Variants in SND1 observed in about 807,000 individuals in gnomAD.
SND1 encodes the protein staphylococcal nuclease domain-containing protein 1.
Under a neutral mutation model 121.7 loss-of-function variants are expected in SND1, and 38 were observed. That is an observed-to-expected ratio of 0.31 (90% CI 0.24 to 0.41). The LOEUF is 0.41. Among genes scored for constraint, SND1 ranks in the 10% least tolerant of loss-of-function variants. The pLI is 1.00. For missense variants in SND1, 868 were observed against 1,184.6 expected (o/e 0.73, Z 3.92); for synonymous variants, 401 against 447.4 (o/e 0.90, Z 1.31).
rs564610421 is a variant in SND1 at position 127,880,713 on chromosome 7, A to AGG, written c.1344-7186_1344-7185dup. Among the ~76,000 whole-genome samples the AGG allele has an allele frequency of 9.3e-3, 1,276 of 136,750 alleles. 13 individuals carry two copies. The highest frequency in any genetic ancestry group is 0.011 in the Non-Finnish European group (669 of 62,070). The allele number at this position is 136,750 out of a possible 152,430, so 89.7% of individuals were successfully genotyped here. On this transcript the variant is annotated intron_variant, in intron 12 of 23. Coordinates refer to ENST00000354725, the MANE Select transcript of SND1 (RefSeq NM_014390.4). ...TGCATCCTTTTCAGCTGGAGAATGC[A>AGG]GGGGTGTGTGTGTGTGTGTGTGTGT...
In SND1 at chr7:127,691,779, A is replaced by ATTT. The variant is rs75566883; in HGVS notation, c.229-3030_229-3028dup. ...AGGCGTGCGCCAACATGCCTGGCTA[A>ATTT]TTTTTTTTTTTTTTTTTTTTTGTAT... On this transcript the variant is annotated intron_variant, in intron 2 of 23. Coordinates refer to ENST00000354725, the MANE Select transcript of SND1 (RefSeq NM_014390.4). 1.1e-4 allele frequency among the ~76,000 whole-genome samples: 14 copies of ATTT among 127,070 alleles called. 1 individual carries two copies. The highest frequency in any genetic ancestry group is 3.0e-4 in the African/African-American group (10 of 33,762). The allele number at this position is 127,070 out of a possible 152,430, so 83.4% of individuals were successfully genotyped here.
At chr7:127,674,005 T>C (rs575509664) in intron 1 of SND1, among the ~76,000 whole-genome samples, 2 of 151,604 alleles carry the variant, frequency 1.3e-5, no homozygotes, top group African/African-American at 2.4e-5. Flanking sequence ...CCCTTTCCTT[T>C]TCCTTCCTTC....
chr7:127,900,580 G>A (rs143555956), intron 13 of SND1, among the ~76,000 whole-genome samples: 164 of 152,334 alleles, frequency 1.1e-3, no homozygotes, highest in African/African-American at 3.8e-3. Flanking sequence ...TAGAGGAAAA[G>A]CAGCAGCTAA....
At chr7:127,975,323 G>T (rs1349826040) in intron 15 of SND1, among the ~76,000 whole-genome samples, 1 of 152,078 alleles carries the variant, frequency 6.6e-6, no homozygotes, top group African/African-American at 2.4e-5. Flanking sequence ...ACTTGTGTTT[G>T]TATGTGTGGG....
intron 10 of SND1, among the ~76,000 whole-genome samples, chr7:127,775,279 T>C (rs528149798): frequency 6.6e-4 from 101 of 152,298 alleles, no homozygotes; most frequent in African/African-American, 2.4e-3. Flanking sequence ...AAATTCCTAT[T>C]GTTTTAAGCT....
At chr7:127,882,325 G>C (rs1799806601) in intron 12 of SND1, among the ~76,000 whole-genome samples, 4 of 149,830 alleles carry the variant, frequency 2.7e-5, no homozygotes, top group African/African-American at 7.4e-5. Flanking sequence ...GGGGTAGTCT[G>C]GCTTGGGGTG....
At chr7:128,019,462 A>G (rs573503574) in intron 16 of SND1, among the ~76,000 whole-genome samples, 159 of 152,310 alleles carry the variant, frequency 1.0e-3, no homozygotes, top group African/African-American at 3.4e-3. Flanking sequence ...GAGTCAGGCC[A>G]TTATTGGAGG....
chr7:128,049,107 G>A (rs1410756837), intron 16 of SND1, among the ~76,000 whole-genome samples: 1 of 152,122 alleles, frequency 6.6e-6, no homozygotes, highest in Non-Finnish European at 1.5e-5. Context: ...CTTTTGCAGT[G>A]TTCCCTCTAA....
intron 16 of SND1, among the ~76,000 whole-genome samples, chr7:128,001,157 A>G (rs1375756184): frequency 6.6e-6 from 1 of 152,240 alleles, no homozygotes; most frequent in Non-Finnish European, 1.5e-5. Context: ...ATGGTCTGTT[A>G]TGAAATGCTG....
chr7:127,882,028 G>C (rs1799801917), intron 12 of SND1, among the ~76,000 whole-genome samples: 1 of 152,082 alleles, frequency 6.6e-6, no homozygotes, highest in Non-Finnish European at 1.5e-5. Flanking sequence ...CAAGGTGAGA[G>C]GATCACTTGG....
intron 1 of SND1, among the ~76,000 whole-genome samples, chr7:127,652,759 T>C (rs886527151): frequency 5.9e-5 from 9 of 152,202 alleles, no homozygotes; most frequent in African/African-American, 2.2e-4. Context: ...TTCGTTGATA[T>C]CTGTCCTCCC....
intron 16 of SND1, among the ~76,000 whole-genome samples, chr7:127,997,013 A>G (rs1030499518): frequency 8.5e-5 from 13 of 152,170 alleles, no homozygotes; most frequent in African/African-American, 3.1e-4. Flanking sequence ...TCAAACCTTA[A>G]TTTTATATAG....
intron 6 of SND1, 72 bp downstream of exon 6, chr7:127,702,598 G>C: frequency 8.1e-7 from 1 of 1,235,312 alleles, no homozygotes; most frequent in Non-Finnish European, 1.2e-6. Context: ...CTTCTACTTG[G>C]GGACTTCGGA....
intron 10 of SND1, among the ~76,000 whole-genome samples, chr7:127,752,336 GC>G (rs1273537258): frequency 6.6e-6 from 1 of 152,162 alleles, no homozygotes. Context: ...CCGTCGTAAT[GC>G]TTATGTTCAT....
chr7:127,706,537 T>C lies in SND1; in HGVS notation c.948-1020T>C, dbSNP rs188085091. ...CCTCCCAAAGTGCTGGGATTACAGGTGTGAGCCACTGTGCCTGGCCCAGTA... is the reference window on the plus strand; with the variant it reads ...CCTCCCAAAGTGCTGGGATTACAGGCGTGAGCCACTGTGCCTGGCCCAGTA... On this transcript the variant is annotated intron_variant, in intron 8 of 23. Coordinates refer to ENST00000354725, the MANE Select transcript of SND1 (RefSeq NM_014390.4). Among the ~76,000 whole-genome samples, 248 of 152,160 alleles carry C rather than the reference T, an allele frequency of 1.6e-3. 1 individual carries two copies. The highest frequency in any genetic ancestry group is 3.4e-3 in the Middle Eastern group (1 of 294).
intron 10 of SND1, among the ~76,000 whole-genome samples, chr7:127,801,027 T>C (rs892529698): frequency 2.0e-5 from 3 of 152,226 alleles, no homozygotes; most frequent in Admixed American, 6.5e-5. Flanking sequence ...GTGTATTCCA[T>C]TGGGTGACTA....
intron 14 of SND1, among the ~76,000 whole-genome samples, chr7:127,922,747 A>G (rs1266384554): frequency 6.6e-6 from 1 of 152,120 alleles, no homozygotes; most frequent in Non-Finnish European, 1.5e-5. Context: ...TATTTCTTTT[A>G]ATAATTGTAA....
intron 15 of SND1, among the ~76,000 whole-genome samples, chr7:127,963,431 G>A (rs1176622312): frequency 7.3e-6 from 1 of 137,730 alleles, no homozygotes; most frequent in African/African-American, 2.8e-5. Context: ...AGTCCCCAGA[G>A]TGTGATATTC....
intron 11 of SND1, among the ~76,000 whole-genome samples, chr7:127,820,445 A>G (rs972318312): frequency 2.0e-5 from 3 of 152,112 alleles, no homozygotes; most frequent in African/African-American, 4.8e-5. Flanking sequence ...AGCATGGGAG[A>G]GTTTTTGAAG....
Sources: allele counts gnomAD v4.1 joint callset (sites outside exome capture counted in the v4.1 genomes callset), GRCh38; gene constraint gnomAD v4.1.1; transcripts MANE v1.5; gene names NCBI Gene and HGNC (gene_info 2026-07-23, HGNC 2026-07-21).